Variants in ACOT7 observed in about 807,000 individuals in gnomAD.
ACOT7 encodes acyl-CoA thioesterase 7.
ACOT7 carries 12 observed loss-of-function variants against 40.2 expected under a neutral mutation model. The ratio of observed to expected loss-of-function variants is 0.30; its 90% confidence interval spans 0.19 to 0.48. The LOEUF is 0.48. Among genes scored for constraint, ACOT7 ranks in the 20% least tolerant of loss-of-function variants. The probability of loss-of-function intolerance (pLI) is 0.99; values close to 1 mark genes in which losing one functional copy is unlikely to be tolerated. For synonymous variants in ACOT7, 228 were observed against 219.5 expected (o/e 1.04, Z -0.34); for missense variants, 395 against 530.8 (o/e 0.74, Z 2.51).
Position 6,336,291 on chromosome 1 carries a change from G to A in ACOT7, c.419-2723C>T, listed in dbSNP as rs747234805. Among the ~76,000 whole-genome samples the A allele has an allele frequency of 1.5e-4, 20 of 130,678 alleles. 1 individual carries two copies. The highest frequency in any genetic ancestry group is 2.4e-4 in the Non-Finnish European group (16 of 65,382). The allele number at this position is 130,678 out of a possible 152,430, so 85.7% of individuals were successfully genotyped here. A position where few individuals can be genotyped will look rare whatever the true frequency, so the allele number is the denominator to read the frequency against. The stretch of plus-strand genomic sequence containing the variant: ...GGAGGTTGTAGTGAGCCGAGATTGC[G>A]CCACTGCACTCTAGCCTGCACGACA... On this transcript the variant is annotated intron_variant, in intron 3 of 8. Coordinates refer to ENST00000361521, the MANE Select transcript of ACOT7 (RefSeq NM_007274.4).
chr1:6,380,704 T>TA (rs1318448962), intron 1 of ACOT7, among the ~76,000 whole-genome samples: 4 of 125,606 alleles, frequency 3.2e-5, no homozygotes, highest in African/African-American at 1.3e-4. Flanking sequence ...CTTTACCTAA[T>TA]AGCATATACA....
At chr1:6,295,006 A>T in intron 6 of ACOT7, 26 bp from the exon 7 acceptor site, 1 of 1,550,088 alleles carries the variant, frequency 6.5e-7, no homozygotes, top group Non-Finnish European at 8.9e-7. Context: ...CATGCGGCAG[A>T]TGAGACACGG....
chr1:6,269,770 T>C (rs1477074314), intron 8 of ACOT7, among the ~76,000 whole-genome samples: 5 of 152,214 alleles, frequency 3.3e-5, no homozygotes, highest in Admixed American at 3.3e-4. Flanking sequence ...CCACTGCTCT[T>C]CCCGTCTCCC....
At chr1:6,386,898 T>C (rs1002714624) in intron 1 of ACOT7, among the ~76,000 whole-genome samples, 1 of 152,082 alleles carries the variant, frequency 6.6e-6, no homozygotes, top group Non-Finnish European at 1.5e-5. Context: ...AAAGATCTCA[T>C]CTAAAATATC....
In ACOT7 at chr1:6,327,357, C is replaced by T. The variant is rs1640832198; in HGVS notation, c.567G>A (p.Leu189=). 1.1e-5 allele frequency: 17 copies of T among 1,614,216 alleles called. No individual in the cohort carries two copies. The highest frequency in any genetic ancestry group is 1.4e-5 in the Non-Finnish European group (17 of 1,180,040). Residue 189 remains leucine (L), a synonymous_variant, in exon 5 of 9, where the codon CTG becomes CTA. Transcript: ENST00000361521. Reference sequence around the variant, plus strand: ...TCCTCCACTTGGTCTCCATGCGCTCCAGCTTCTGGGCTTCATACCGCTTCC... The same window carrying T: ...TCCTCCACTTGGTCTCCATGCGCTCTAGCTTCTGGGCTTCATACCGCTTCC... ...EGRKRYEAQK[L]ERMETKWRNG... is the part of the protein sequence containing the mutation.
Position 6,278,640 on chromosome 1 carries a change from T to C in ACOT7, c.1014+2462A>G, listed in dbSNP as rs934310196. On this transcript the variant is annotated intron_variant, in intron 8 of 8. Transcript: ENST00000361521. This position sits in a 1 kb window ranked among gnomAD's most constrained non-coding sequence, Gnocchi z 4.1. ...GAGGGGCAGCACTGGCCAAGTCAAT[T>C]TGGGAGTCAATACAACACACAGGCG... is the stretch of plus-strand genomic sequence containing the variant. 2.6e-5 allele frequency among the ~76,000 whole-genome samples: 4 copies of C among 152,102 alleles called. No individual in the cohort carries two copies. The highest frequency in any genetic ancestry group is 4.4e-5 in the Non-Finnish European group (3 of 68,010).
At chr1:6,293,316 G>A (rs1035255116) in intron 7 of ACOT7, among the ~76,000 whole-genome samples, 3 of 152,110 alleles carry the variant, frequency 2.0e-5, no homozygotes, top group African/African-American at 4.8e-5. Context: ...CACCCTAATC[G>A]TGATTTACCC....
intron 1 of ACOT7, among the ~76,000 whole-genome samples, chr1:6,368,176 G>C (rs1440608121): frequency 6.6e-6 from 1 of 152,128 alleles, no homozygotes; most frequent in Non-Finnish European, 1.5e-5. Context: ...CCAGTTTGAA[G>C]GTGAGGCTTC....
chr1:6,358,968 C>A lies in ACOT7; in HGVS notation c.144-9102G>T. ...GCCACACCGGGCTTGGTGGGGAGCA[C>A]CCCCCACCCCCAGCTTCCTGAGCTG... On this transcript the variant is annotated intron_variant, in intron 1 of 8. Coordinates refer to ENST00000361521, the MANE Select transcript of ACOT7 (RefSeq NM_007274.4). This position sits in a 1 kb window ranked among gnomAD's most constrained non-coding sequence, Gnocchi z 4.1. 1 of 1,447,836 alleles carries A rather than the reference C, an allele frequency of 6.9e-7. No homozygotes were observed. The highest frequency in any genetic ancestry group is 1.4e-5 in the South Asian group (1 of 71,092). The allele number at this position is 1,447,836 out of a possible 1,614,324, so 89.7% of individuals were successfully genotyped here.
intron 1 of ACOT7, among the ~76,000 whole-genome samples, chr1:6,357,667 G>A (rs757119569): frequency 7.9e-5 from 12 of 152,224 alleles, no homozygotes; most frequent in Non-Finnish European, 1.5e-4. Flanking sequence ...CAAGGGACAG[G>A]GGTTGCCCTT....
rs568340697 is a variant in ACOT7, at chr1:6,301,568, C to T, written c.713-6588G>A. Among the ~76,000 whole-genome samples, 81 of 152,196 alleles carry T rather than the reference C, an allele frequency of 5.3e-4. No homozygotes were observed. Among genetic ancestry groups the T allele is most frequent in the Non-Finnish European group, 8.1e-4 (55 of 68,034 alleles). ...AGGACCTGCCTCGTTGTCCCTGTGT[C>T]CCTGACCCAACACAGAGCTGGCATC... is the stretch of plus-strand genomic sequence containing the variant. On this transcript the variant is annotated intron_variant, in intron 6 of 8. Coordinates refer to ENST00000361521, the MANE Select transcript of ACOT7 (RefSeq NM_007274.4). This position sits in a 1 kb window ranked among gnomAD's most constrained non-coding sequence, Gnocchi z 4.1.
In ACOT7 at chr1:6,393,297, C is replaced by T. The variant is rs2148487224; in HGVS notation, c.103G>A (p.Gly35Ser). ...ASAAAAPSMS[G>S]PDVETPSAIQ... is the part of the protein sequence containing the mutation. ...GCGGACGGCGTCTCGACGTCTGGGC[C>T]CGACATGCTGGGGGCTGCGGCGGCG... Residue 35 changes from glycine (G) to serine (S), a missense_variant, in exon 1 of 9, where the codon GGC becomes AGC. By Grantham distance (56) the Gly-to-Ser change is moderately conservative. This residue lies in a region of ACOT7 where 86 missense variants were observed against 60.5 expected (regional missense o/e 1.42). Transcript: ENST00000361521. 1 of 1,284,816 alleles carries T rather than the reference C, an allele frequency of 7.8e-7. No individual in the cohort carries two copies. Among genetic ancestry groups the T allele is most frequent in the Non-Finnish European group, 9.8e-7 (1 of 1,015,500 alleles). 79.6% of individuals were successfully genotyped at this position (1,284,816 alleles called of 1,614,324 possible).
At chr1:6,304,301 C>T (rs1452461798) in intron 6 of ACOT7, among the ~76,000 whole-genome samples, 1 of 135,406 alleles carries the variant, frequency 7.4e-6, no homozygotes, top group African/African-American at 2.9e-5. Context: ...GAAGCACAGG[C>T]TGGACAATGT....
At chr1:6,341,658 C>T (rs1298350552) in intron 2 of ACOT7, among the ~76,000 whole-genome samples, 3 of 152,148 alleles carry the variant, frequency 2.0e-5, no homozygotes, top group Admixed American at 6.5e-5. Flanking sequence ...AGGAGAATGG[C>T]GTGAACCCGG....
At position 6,289,966 on chromosome 1, in the gene ACOT7, G is replaced by C. The variant is rs1639617969; in HGVS notation, c.829+4898C>G. 6.6e-6 allele frequency among the ~76,000 whole-genome samples: 1 copy of C among 152,172 alleles called. No individual in the cohort carries two copies. The highest frequency in any genetic ancestry group is 2.4e-5 in the African/African-American group (1 of 41,440). On this transcript the variant is annotated intron_variant, in intron 7 of 8. Transcript: ENST00000361521. The surrounding 1 kb of genome is among the most constrained non-coding windows in gnomAD (Gnocchi z 4.6). ...AACCTGTGACCTCACGTGGCAAAGG[G>C]GACTCTGCAGACATTGACTAAGTGA...
chr1:6,308,970 ACCACTACGTCCTGG>A (rs1272887460), intron 6 of ACOT7, among the ~76,000 whole-genome samples: 1 of 152,156 alleles, frequency 6.6e-6, no homozygotes, highest in Non-Finnish European at 1.5e-5. Flanking sequence ...AGAATAGAAA[ACCACTACGTCCTGG>A]CCACTATTTT....
At chr1:6,371,768 G>A (rs950356121) in intron 1 of ACOT7, among the ~76,000 whole-genome samples, 3 of 152,046 alleles carry the variant, frequency 2.0e-5, no homozygotes, top group Non-Finnish European at 4.4e-5. Context: ...ACCTAGGCAG[G>A]GCATAGGGGC....
chr1:6,315,404 T>G (rs1212714315), intron 6 of ACOT7, among the ~76,000 whole-genome samples: 3 of 152,168 alleles, frequency 2.0e-5, no homozygotes, highest in Non-Finnish European at 4.4e-5. Context: ...GTTCGTGTTT[T>G]CAATGTGGTG....
chr1:6,302,851 G>A (rs920915546), intron 6 of ACOT7, among the ~76,000 whole-genome samples: 4 of 152,032 alleles, frequency 2.6e-5, no homozygotes, highest in Non-Finnish European at 5.9e-5. Context: ...CGTGTCCTGC[G>A]TGTAAAGACT....
Sources: allele counts gnomAD v4.1 joint callset (sites outside exome capture counted in the v4.1 genomes callset), GRCh38; gene constraint gnomAD v4.1.1; regional missense constraint gnomAD v4.1.1; non-coding constraint Gnocchi (gnomAD v3.1); transcripts MANE v1.5; gene names NCBI Gene and HGNC (gene_info 2026-07-23, HGNC 2026-07-21).